The following PHACTR2 variants were observed in gnomAD, a reference collection of about 807,000 sequenced individuals.
PHACTR2 encodes chromosome 6 open reading frame 56.
A neutral mutation model predicts 76.0 loss-of-function variants in PHACTR2; 30 were observed. That is an observed-to-expected ratio of 0.39 (90% CI 0.30 to 0.54). The LOEUF is 0.54. Ranked by LOEUF, PHACTR2 falls within the 20% of genes least tolerant of loss-of-function variation. The pLI is 0.61. For synonymous variants in PHACTR2, 292 were observed against 292.5 expected (o/e 1.00, Z 0.02); for missense variants, 696 against 781.1 (o/e 0.89, Z 1.30).
At chr6:143,649,685 G>A (rs1776722559) in intron 1 of PHACTR2, among the ~76,000 whole-genome samples, 1 of 152,102 alleles carries the variant, frequency 6.6e-6, no homozygotes. Context: ...GGTATTGAAG[G>A]AACATAACTC....
Position 143,819,293 on chromosome 6 carries a change from A to G in PHACTR2, c.1923-4381A>G, listed in dbSNP as rs1196333469. Reference sequence around the variant, plus strand: ...CAAACTATTACCAAGTCAACAATAAATACACATGAGCATTTCAGATAGTGC... The same window carrying G: ...CAAACTATTACCAAGTCAACAATAAGTACACATGAGCATTTCAGATAGTGC... On this transcript the variant is annotated intron_variant, in intron 12 of 12. Coordinates refer to ENST00000440869, the MANE Select transcript of PHACTR2 (RefSeq NM_001100164.2). The surrounding 1 kb of genome is among the most constrained non-coding windows in gnomAD (Gnocchi z 5.0). Among the ~76,000 whole-genome samples, 3 of 152,162 alleles carry G rather than the reference A, an allele frequency of 2.0e-5. No homozygotes were observed. The highest frequency in any genetic ancestry group is 4.4e-5 in the Non-Finnish European group (3 of 68,026).
At position 143,696,053 on chromosome 6, in the gene PHACTR2, G is replaced by A. The variant is rs1777762641; in HGVS notation, c.47-15963G>A. On this transcript the variant is annotated intron_variant, in intron 1 of 12. Coordinates refer to ENST00000440869, the MANE Select transcript of PHACTR2 (RefSeq NM_001100164.2). This position sits in a 1 kb window ranked among gnomAD's most constrained non-coding sequence, Gnocchi z 4.1. Reference sequence around the variant, plus strand: ...TGATTTTTAAAATTTTTTATTTTTTGCAGGTGCAAGCATAAAAATAAAAAA... The same window carrying A: ...TGATTTTTAAAATTTTTTATTTTTTACAGGTGCAAGCATAAAAATAAAAAA... Among the ~76,000 whole-genome samples, 3 of 152,088 alleles carry A rather than the reference G, an allele frequency of 2.0e-5. No homozygotes were observed. The South Asian group carries it at 6.2e-4, about 32-fold the overall frequency.
chr6:143,718,268 A>G (rs1778346002), intron 2 of PHACTR2, among the ~76,000 whole-genome samples: 1 of 152,204 alleles, frequency 6.6e-6, no homozygotes, highest in Admixed American at 6.5e-5. Context: ...CTTGATTCAT[A>G]TTAACTCACT....
chr6:143,723,308 C>T (rs915582695), intron 2 of PHACTR2, among the ~76,000 whole-genome samples: 2 of 152,188 alleles, frequency 1.3e-5, no homozygotes, highest in African/African-American at 4.8e-5. Context: ...CTAGCTAGAC[C>T]ATCCAGATGG....
rs1430200893 is a variant in PHACTR2, at chr6:143,707,624, ACT to A, written c.47-4389_47-4388del. Among the ~76,000 whole-genome samples, 7 of 152,104 alleles carry A rather than the reference ACT, an allele frequency of 4.6e-5. No homozygotes were observed. The South Asian group carries it at 8.3e-4, about 18-fold the overall frequency. On this transcript the variant is annotated intron_variant, in intron 1 of 12. Coordinates refer to ENST00000440869, the MANE Select transcript of PHACTR2 (RefSeq NM_001100164.2). ...ATTAAATAGTATAAACATACAACAA[ACT>A]CTATTAGGTAGAATCAATTTTTCTA...
Position 143,753,655 on chromosome 6 carries a change from C to A in PHACTR2, c.296-99C>A. ...GCAGGGTGTATTTGGTTCCCAGGGACTGAAACATGAATCTAAATTTTACAA... is the reference window on the plus strand; with the variant it reads ...GCAGGGTGTATTTGGTTCCCAGGGAATGAAACATGAATCTAAATTTTACAA... On this transcript the variant is annotated intron_variant, in intron 3 of 12. Transcript: ENST00000440869. This position sits in a 1 kb window ranked among gnomAD's most constrained non-coding sequence, Gnocchi z 4.6. 1 of 797,078 alleles carries A rather than the reference C, an allele frequency of 1.3e-6. No homozygotes were observed. The highest frequency in any genetic ancestry group is 2.0e-6 in the Non-Finnish European group (1 of 499,826). The allele number at this position is 797,078 out of a possible 1,614,324, so 49.4% of individuals were successfully genotyped here.
At chr6:143,604,324 C>T (rs1562245514), upstream of PHACTR2, among the ~76,000 whole-genome samples, 1 of 152,160 alleles carries the variant, frequency 6.6e-6, no homozygotes, top group Non-Finnish European at 1.5e-5. Flanking sequence ...CTTCTCCATC[C>T]TGAGAAACAG....
intron 1 of PHACTR2, among the ~76,000 whole-genome samples, chr6:143,687,620 C>T (rs1364338468): frequency 6.6e-6 from 1 of 152,142 alleles, no homozygotes; most frequent in Non-Finnish European, 1.5e-5. Context: ...GCTAAAAGGT[C>T]GGTCTAACCA....
rs1457034963 is a variant in PHACTR2, at chr6:143,548,487, T to G, written c.217+11280T>G. ...ATATATTCTCCTCAGATTTCCCCTA[T>G]TTACATGTCTTCTGTTAAAGCTAGC... On this transcript the variant is annotated intron_variant, in intron 1 of 11. Coordinates refer to the PHACTR2 transcript ENST00000367584. This position sits in a 1 kb window ranked among gnomAD's most constrained non-coding sequence, Gnocchi z 4.5. 6.6e-6 allele frequency among the ~76,000 whole-genome samples: 1 copy of G among 152,080 alleles called. No homozygotes were observed. The highest frequency in any genetic ancestry group is 2.4e-5 in the African/African-American group (1 of 41,452).
rs1044454985 is a variant in PHACTR2, at chr6:143,826,616, A to C, written c.*2927A>C. On this transcript the variant is annotated 3_prime_UTR_variant, in exon 13 of 13. Coordinates refer to ENST00000440869, the MANE Select transcript of PHACTR2 (RefSeq NM_001100164.2). ...TATTGGAGAATAAAACATTAATATT[A>C]GGGTATTAAGAAGATGCTCAGCAAG... 6.6e-6 allele frequency: 1 copy of C among 152,186 alleles called. No individual in the cohort carries two copies. Among genetic ancestry groups the C allele is most frequent in the African/African-American group, 2.4e-5 (1 of 41,440 alleles). 9.4% of individuals were successfully genotyped at this position (152,186 alleles called of 1,614,324 possible).
Position 143,784,191 on chromosome 6 carries a change from G to T in PHACTR2, c.1707+911G>T, listed in dbSNP as rs1252551571. Among the ~76,000 whole-genome samples the T allele has an allele frequency of 1.3e-5, 2 of 152,090 alleles. No individual in the cohort carries two copies. Among genetic ancestry groups the T allele is most frequent in the Non-Finnish European group, 2.9e-5 (2 of 68,026 alleles). Reference sequence around the variant, plus strand: ...TTCCCACTATTCCACATCACAGCTGGGTAAGTAATTTATTAAGTGAACTTG... The same window carrying T: ...TTCCCACTATTCCACATCACAGCTGTGTAAGTAATTTATTAAGTGAACTTG... On this transcript the variant is annotated intron_variant, in intron 10 of 12. Coordinates refer to ENST00000440869, the MANE Select transcript of PHACTR2 (RefSeq NM_001100164.2). This position sits in a 1 kb window ranked among gnomAD's most constrained non-coding sequence, Gnocchi z 4.5.
At chr6:143,685,378 CT>C (rs1390717117) in intron 1 of PHACTR2, among the ~76,000 whole-genome samples, 1 of 151,866 alleles carries the variant, frequency 6.6e-6, no homozygotes, top group Non-Finnish European at 1.5e-5. Context: ...AGTAAGACCT[CT>C]TAAAAGTCAG....
chr6:143,740,970 TGAGCGCA>T (rs1460611552), intron 2 of PHACTR2, among the ~76,000 whole-genome samples: 1 of 152,214 alleles, frequency 6.6e-6, no homozygotes, highest in African/African-American at 2.4e-5. Context: ...ATTGCTTAGC[TGAGCGCA>T]GTGGCTCACG....
chr6:143,820,470 A>G lies in PHACTR2; in HGVS notation c.1923-3204A>G, dbSNP rs1776393748. On this transcript the variant is annotated intron_variant, in intron 12 of 12. Coordinates refer to ENST00000440869, the MANE Select transcript of PHACTR2 (RefSeq NM_001100164.2). The surrounding 1 kb of genome is among the most constrained non-coding windows in gnomAD (Gnocchi z 4.2). ...AGAAATCAGACAAAAGAAGGTGGCT[A>G]CAGGCCCCATGCAAGTTCAAAACCC... 6.6e-6 allele frequency among the ~76,000 whole-genome samples: 1 copy of G among 152,238 alleles called. No homozygotes were observed. Among genetic ancestry groups the G allele is most frequent in the South Asian group, 2.1e-4 (1 of 4,834 alleles).
chr6:143,787,738 C>A lies in PHACTR2; in HGVS notation c.1708-1035C>A, dbSNP rs1225252027. On this transcript the variant is annotated intron_variant, in intron 10 of 12. Coordinates refer to ENST00000440869, the MANE Select transcript of PHACTR2 (RefSeq NM_001100164.2). This position sits in a 1 kb window ranked among gnomAD's most constrained non-coding sequence, Gnocchi z 4.6. Reference sequence around the variant, plus strand: ...GACCAGCCTGAGCAACATAGAGAGACCCCCCACCCACTCTGTTTAAATAAA... The same window carrying A: ...GACCAGCCTGAGCAACATAGAGAGAACCCCCACCCACTCTGTTTAAATAAA... Among the ~76,000 whole-genome samples, 1 of 151,830 alleles carries A rather than the reference C, an allele frequency of 6.6e-6. No individual in the cohort carries two copies. Among genetic ancestry groups the A allele is most frequent in the Admixed American group, 6.6e-5 (1 of 15,232 alleles).
chr6:143,807,932 C>T lies in PHACTR2; in HGVS notation c.1922+799C>T, dbSNP rs1171887589. Among the ~76,000 whole-genome samples the T allele has an allele frequency of 2.0e-5, 3 of 152,132 alleles. No homozygotes were observed. Among genetic ancestry groups the T allele is most frequent in the South Asian group, 2.1e-4 (1 of 4,824 alleles). ...AATATAAAGGAAGTTGCTGTATAACCTCCAACTTTAACAGCAAACTTCCCT... is the reference window on the plus strand; with the variant it reads ...AATATAAAGGAAGTTGCTGTATAACTTCCAACTTTAACAGCAAACTTCCCT... On this transcript the variant is annotated intron_variant, in intron 12 of 12. Transcript: ENST00000440869. This position sits in a 1 kb window ranked among gnomAD's most constrained non-coding sequence, Gnocchi z 5.5.
At position 143,743,226 on chromosome 6, in the gene PHACTR2, G is replaced by A. The variant is rs1778983369; in HGVS notation, c.215-5759G>A. ...CTAGGAAGAAGGAACAATACATGAA[G>A]GAATGGAGCTGAAGAACCGCAGATG... On this transcript the variant is annotated intron_variant, in intron 2 of 12. Transcript: ENST00000440869. The surrounding 1 kb of genome is among the most constrained non-coding windows in gnomAD (Gnocchi z 5.0). Among the ~76,000 whole-genome samples, 1 of 152,208 alleles carries A rather than the reference G, an allele frequency of 6.6e-6. No homozygotes were observed. The highest frequency in any genetic ancestry group is 1.5e-5 in the Non-Finnish European group (1 of 68,040).
rs1367374754 is a variant in PHACTR2, at chr6:143,811,675, C to G, written c.1922+4542C>G. On this transcript the variant is annotated intron_variant, in intron 12 of 12. Transcript: ENST00000440869. This position sits in a 1 kb window ranked among gnomAD's most constrained non-coding sequence, Gnocchi z 4.1. ...CTTGGCAGTAAAGCAAATGTTACTG[C>G]TATTTTTCCATTAACTTATGACATC... 2.0e-5 allele frequency among the ~76,000 whole-genome samples: 3 copies of G among 152,032 alleles called. No individual in the cohort carries two copies. The highest frequency in any genetic ancestry group is 7.2e-5 in the African/African-American group (3 of 41,392).
chr6:143,671,220 T>C lies in PHACTR2; in HGVS notation c.14-40796T>C, dbSNP rs947881375. Among the ~76,000 whole-genome samples the C allele has an allele frequency of 1.3e-5, 2 of 152,164 alleles. No homozygotes were observed. Among genetic ancestry groups the C allele is most frequent in the Non-Finnish European group, 2.9e-5 (2 of 68,016 alleles). ...TGCTGAGATTACAGGTCTGAACCAC[T>C]GCACCTGGCCCAAAGTCTTTATAGT... is the stretch of plus-strand genomic sequence containing the variant. On this transcript the variant is annotated intron_variant, in intron 1 of 11. Coordinates refer to the PHACTR2 transcript ENST00000305766. The surrounding 1 kb of genome is among the most constrained non-coding windows in gnomAD (Gnocchi z 4.6).
Sources: allele counts gnomAD v4.1 joint callset (sites outside exome capture counted in the v4.1 genomes callset), GRCh38; gene constraint gnomAD v4.1.1; non-coding constraint Gnocchi (gnomAD v3.1); transcripts MANE v1.5; gene names NCBI Gene and HGNC (gene_info 2026-07-23, HGNC 2026-07-21).